Variants in HSPA12A observed in about 807,000 individuals in gnomAD.
HSPA12A encodes heat shock protein family A (Hsp70) member 12A.
In HSPA12A, 28 loss-of-function variants were observed where a neutral mutation model predicts 69.2. The observed-to-expected ratio is 0.40, with a 90% CI of 0.30 to 0.55. The LOEUF (loss-of-function observed/expected upper bound fraction) is 0.55, where lower values mean the gene tolerates loss of function less well. Ranked by LOEUF, HSPA12A falls within the 20% of genes least tolerant of loss-of-function variation. The probability of loss-of-function intolerance (pLI) is 0.38; values close to 1 mark genes in which losing one functional copy is unlikely to be tolerated. For synonymous variants in HSPA12A, 345 were observed against 370.5 expected (o/e 0.93, Z 0.79); for missense variants, 686 against 900.7 (o/e 0.76, Z 3.05).
chr10:116,691,936 C>G (rs1306672681), intron 6 of HSPA12A, among the ~76,000 whole-genome samples: 3 of 152,242 alleles, frequency 2.0e-5, no homozygotes. Flanking sequence ...ATGCCTGGTT[C>G]GTGGCCAATG....
chr10:116,849,690 T>A, exon 1 of HSPA12A: 1 of 1,547,284 alleles, frequency 6.5e-7, no homozygotes, highest in Non-Finnish European at 8.7e-7. Context: ...GCTGCTCAAC[T>A]CCACCTTCTA....
At chr10:116,732,361 G>GAAA (rs1554885934) in intron 1 of HSPA12A, among the ~76,000 whole-genome samples, 1 of 100,016 alleles carries the variant, frequency 1.0e-5, no homozygotes. Context: ...AGAGACAGAG[G>GAAA]GAAAGAAAAC....
chr10:116,813,474 C>T (rs566560524), intron 2 of HSPA12A, among the ~76,000 whole-genome samples: 1 of 152,002 alleles, frequency 6.6e-6, no homozygotes, highest in East Asian at 2.0e-4. Flanking sequence ...GTCTTGATCT[C>T]CTGACCTCGT....
intron 2 of HSPA12A, among the ~76,000 whole-genome samples, chr10:116,762,713 A>G (rs1366742913): frequency 6.6e-6 from 1 of 152,128 alleles, no homozygotes; most frequent in African/African-American, 2.4e-5. Context: ...TCTCCCCGCT[A>G]GCTGGGACTA....
chr10:116,823,232 A>C (rs1330406910), intron 2 of HSPA12A, among the ~76,000 whole-genome samples: 1 of 152,264 alleles, frequency 6.6e-6, no homozygotes, highest in Non-Finnish European at 1.5e-5. Flanking sequence ...TAAAATATTT[A>C]GGAATGCATT....
intron 2 of HSPA12A, among the ~76,000 whole-genome samples, chr10:116,779,820 G>C (rs938772123): frequency 1.3e-5 from 2 of 152,040 alleles, no homozygotes; most frequent in Admixed American, 6.5e-5. Flanking sequence ...GAGCTAGCAG[G>C]GGGGACGGGA....
intron 1 of HSPA12A, among the ~76,000 whole-genome samples, chr10:116,727,493 C>T (rs1046191854): frequency 5.3e-5 from 8 of 152,224 alleles, no homozygotes; most frequent in Non-Finnish European, 8.8e-5. Context: ...CATGTAGCTA[C>T]ACCGAGTCCA....
intron 6 of HSPA12A, among the ~76,000 whole-genome samples, chr10:116,684,651 G>A (rs1172083519): frequency 6.6e-6 from 1 of 152,140 alleles, no homozygotes; most frequent in Non-Finnish European, 1.5e-5. Context: ...GAGTGCGGTT[G>A]AGTCAGCAAG....
At chr10:116,774,709 A>G (rs1638408) in intron 2 of HSPA12A, among the ~76,000 whole-genome samples, 151,022 of 152,214 alleles carry the variant, frequency 0.99, 74,943 homozygotes, top group Middle Eastern at 1. Flanking sequence ...GCACCCCTTC[A>G]TTCACCCACC....
chr10:116,827,668 C>T (rs1237652058), intron 2 of HSPA12A: 1 of 152,296 alleles, frequency 6.6e-6, no homozygotes, highest in African/African-American at 2.4e-5. Flanking sequence ...AAGTCCCACT[C>T]AGTTTGAAGG....
chr10:116,813,009 T>C (rs1256319687), intron 2 of HSPA12A, among the ~76,000 whole-genome samples: 1 of 151,658 alleles, frequency 6.6e-6, no homozygotes, highest in Non-Finnish European at 1.5e-5. Context: ...CAGGAAACTT[T>C]TGAAAAGCAG....
intron 6 of HSPA12A, among the ~76,000 whole-genome samples, chr10:116,688,081 A>G (rs1371542461): frequency 1.3e-5 from 2 of 152,168 alleles, no homozygotes; most frequent in Non-Finnish European, 2.9e-5. Context: ...AATGTGGCCC[A>G]CGGAAGCCAA....
upstream of HSPA12A, among the ~76,000 whole-genome samples, chr10:116,747,437 G>T (rs1851673172): frequency 6.6e-6 from 1 of 152,344 alleles, no homozygotes; most frequent in East Asian, 1.9e-4. Context: ...AAAGCTGCCG[G>T]TTCATTAATA....
chr10:116,722,230 C>G (rs145968703), intron 1 of HSPA12A, among the ~76,000 whole-genome samples: 1 of 152,204 alleles, frequency 6.6e-6, no homozygotes, highest in African/African-American at 2.4e-5. Flanking sequence ...ACGGGTCAGG[C>G]GCAGGGTGAC....
chr10:116,679,175 A>AGG (rs1160123748), intron 10 of HSPA12A, among the ~76,000 whole-genome samples: 2 of 152,226 alleles, frequency 1.3e-5, no homozygotes, highest in African/African-American at 4.8e-5. Flanking sequence ...GGGATATGGC[A>AGG]GGGGCCAAAA....
chr10:116,788,297 A>T (rs956776274), intron 2 of HSPA12A, among the ~76,000 whole-genome samples: 1 of 152,182 alleles, frequency 6.6e-6, no homozygotes, highest in Non-Finnish European at 1.5e-5. Flanking sequence ...CCCACGCTTG[A>T]GTGTTCCAAA....
At chr10:116,762,172 C>T (rs1554889347) in intron 2 of HSPA12A, among the ~76,000 whole-genome samples, 1 of 152,182 alleles carries the variant, frequency 6.6e-6, no homozygotes, top group Non-Finnish European at 1.5e-5. Context: ...CTGCCTCACT[C>T]TCCTATCCTG....
At chr10:116,694,714 C>T (rs1329866799) in intron 5 of HSPA12A, among the ~76,000 whole-genome samples, 2 of 152,202 alleles carry the variant, frequency 1.3e-5, no homozygotes, top group African/African-American at 2.4e-5. Context: ...TCACCTGCCT[C>T]GGTGCCCACA....
chr10:116,681,353 TC>T, intron 8 of HSPA12A, 97 bp from the exon 9 acceptor site: 2 of 863,564 alleles, frequency 2.3e-6, no homozygotes, highest in South Asian at 2.7e-5. Flanking sequence ...CTAAGTGCCC[TC>T]AAAACTTCTC....
Sources: allele counts gnomAD v4.1 joint callset (sites outside exome capture counted in the v4.1 genomes callset), GRCh38; gene constraint gnomAD v4.1.1; transcripts MANE v1.5; gene names NCBI Gene and HGNC (gene_info 2026-07-23, HGNC 2026-07-21).